The following ARK2N variants were observed in gnomAD, a reference collection of about 807,000 sequenced individuals.
ARK2N encodes protein ARK2N.
At chr18:46,235,992 C>T in the ARK2N span, among the ~76,000 whole-genome samples, 1 of 152,132 alleles carries the variant, frequency 6.6e-6, no homozygotes, top group African/African-American at 2.4e-5. Flanking sequence ...CTCACTGTAT[C>T]AGGAATATGT....
chr18:46,189,751 C>A, the ARK2N span, among the ~76,000 whole-genome samples: 40 of 152,296 alleles, frequency 2.6e-4, no homozygotes, highest in East Asian at 7.7e-3. Context: ...GTAGTCCCAG[C>A]TACTTGGGAC....
At chr18:46,188,221 A>G in the ARK2N span, among the ~76,000 whole-genome samples, 457 of 152,178 alleles carry the variant, frequency 3.0e-3, no homozygotes, top group Non-Finnish European at 4.2e-3. Context: ...TATTTTTGAG[A>G]CAGAGTTTTG....
chr18:46,263,998 A>C, the ARK2N span: 17 of 152,326 alleles, frequency 1.1e-4, no homozygotes, highest in Non-Finnish European at 2.1e-4. Context: ...CTGAGGCTAC[A>C]GGCACTTGCA....
the ARK2N span, among the ~76,000 whole-genome samples, chr18:46,255,445 C>CTTTTCTTTTTTTTTTTTTTTTTTTTT: frequency 1.3e-5 from 1 of 77,742 alleles, no homozygotes; most frequent in African/African-American, 6.1e-5. Context: ...CTTTTCTTTT[C>CTTTTCTTTTTTTTTTTTTTTTTTTTT]TTTTTTTTTT....
At chr18:46,188,948 C>T in the ARK2N span, among the ~76,000 whole-genome samples, 1 of 152,156 alleles carries the variant, frequency 6.6e-6, no homozygotes, top group African/African-American at 2.4e-5. Flanking sequence ...TGCGGGGTGG[C>T]TCACGCCTGT....
At chr18:46,263,824 CAG>C in the ARK2N span, 21 of 152,566 alleles carry the variant, frequency 1.4e-4, no homozygotes, top group African/African-American at 4.8e-4. Context: ...TCCTTTGAGA[CAG>C]AGGCATTTCA....
chr18:46,251,538 A>AT, the ARK2N span, among the ~76,000 whole-genome samples: 2 of 152,142 alleles, frequency 1.3e-5, no homozygotes, highest in African/African-American at 4.8e-5. Context: ...AGCATTAAAA[A>AT]TTTTTCACAT....
chr18:46,206,087 C>T, the ARK2N span, among the ~76,000 whole-genome samples: 19 of 151,078 alleles, frequency 1.3e-4, no homozygotes, highest in African/African-American at 4.6e-4. Context: ...TTCTCTACCA[C>T]CAAACTTTTT....
At chr18:46,259,882 C>CGTGTGTGTGTGTGTGTGTGTGTGT in the ARK2N span, among the ~76,000 whole-genome samples, 151 of 39,412 alleles carry the variant, frequency 3.8e-3, 15 homozygotes, top group Non-Finnish European at 8.4e-3. Context: ...GTGATCCTCC[C>CGTGTGTGTGTGTGTGTGTGTGTGT]GTCTGTGTGT....
chr18:46,193,413 C>T, the ARK2N span, among the ~76,000 whole-genome samples: 4 of 151,130 alleles, frequency 2.6e-5, no homozygotes, highest in Non-Finnish European at 4.4e-5. Context: ...CCTCAGCCTC[C>T]CGAGTAGCTG....
At chr18:46,237,549 A>G in the ARK2N span, among the ~76,000 whole-genome samples, 1 of 151,890 alleles carries the variant, frequency 6.6e-6, no homozygotes, top group African/African-American at 2.4e-5. Context: ...CACCACACTC[A>G]GCTAATTTTT....
the ARK2N span, among the ~76,000 whole-genome samples, chr18:46,206,189 G>T: frequency 6.6e-6 from 1 of 151,644 alleles, no homozygotes; most frequent in African/African-American, 2.4e-5. Flanking sequence ...AGGCTCAAGT[G>T]ATCTTCCCAT....
chr18:46,177,564 T>TA, the ARK2N span, among the ~76,000 whole-genome samples: 1 of 151,182 alleles, frequency 6.6e-6, no homozygotes, highest in African/African-American at 2.4e-5. Context: ...CCCAAGTAGC[T>TA]AAGACAGGCG....
chr18:46,195,559 C>CTTT, the ARK2N span, among the ~76,000 whole-genome samples: 42 of 72,680 alleles, frequency 5.8e-4, 1 homozygote, highest in African/African-American at 1.6e-3. Context: ...CCCACATAAA[C>CTTT]TTTTTTTTTT....
the ARK2N span, chr18:46,215,772 C>G: frequency 2.8e-6 from 3 of 1,090,294 alleles, no homozygotes; most frequent in Non-Finnish European, 4.0e-6. Flanking sequence ...ACTAAATAAT[C>G]TGGCATTCTG....
chr18:46,246,260 C>A, the ARK2N span, among the ~76,000 whole-genome samples: 139 of 152,062 alleles, frequency 9.1e-4, 1 homozygote, highest in African/African-American at 3.1e-3. Context: ...TGGGGAGGGG[C>A]AGAGCAGAAA....
the ARK2N span, among the ~76,000 whole-genome samples, chr18:46,178,786 C>T: frequency 2.0e-5 from 3 of 151,160 alleles, no homozygotes; most frequent in Non-Finnish European, 4.4e-5. Context: ...TGGTGGCACA[C>T]GCCTGTAGTC....
the ARK2N span, among the ~76,000 whole-genome samples, chr18:46,221,781 T>A: frequency 6.6e-6 from 1 of 152,154 alleles, no homozygotes; most frequent in Admixed American, 6.5e-5. Context: ...GGATTCATGG[T>A]TGAAGATCCC....
At chr18:46,264,729 C>T in the ARK2N span, 1 of 143,672 alleles carries the variant, frequency 7.0e-6, no homozygotes, top group Non-Finnish European at 1.5e-5. Context: ...TCTTCTTCAT[C>T]TTCTTCTTTT....
Sources: gnomAD v4.1 joint callset for allele counts (sites outside exome capture counted in the v4.1 genomes callset) on GRCh38, gnomAD v4.1.1 for gene constraint, MANE v1.5 for transcripts, NCBI Gene and HGNC (gene_info 2026-07-23, HGNC 2026-07-21) for gene names.